SHISA9: variants seen among roughly 807,000 people sequenced by gnomAD.
The protein encoded by SHISA9 is protein shisa-9.
In SHISA9, 13 loss-of-function variants were observed where a neutral mutation model predicts 38.0. The observed-to-expected ratio is 0.34, with a 90% CI of 0.22 to 0.54. The LOEUF (loss-of-function observed/expected upper bound fraction) is 0.54. Among genes scored for constraint, SHISA9 ranks in the 20% least tolerant of loss-of-function variants. The pLI, the probability that SHISA9 is intolerant of heterozygous loss-of-function variation, is 0.91. For synonymous variants in SHISA9, 275 were observed against 242.0 expected (o/e 1.14, Z -1.27); for missense variants, 538 against 575.8 (o/e 0.93, Z 0.67).
chr16:13,199,962 A>G (rs1011028239), intron 2 of SHISA9, among the ~76,000 whole-genome samples: 29 of 152,170 alleles, frequency 1.9e-4, no homozygotes, highest in African/African-American at 6.5e-4. Context: ...GCCTGTGAAC[A>G]TGGGAAGTTG....
the SHISA9 span, among the ~76,000 whole-genome samples, chr16:13,538,258 T>A: frequency 6.6e-6 from 1 of 152,154 alleles, no homozygotes; most frequent in South Asian, 2.1e-4. Flanking sequence ...GGAAACAGGT[T>A]TTCTCTCAAA....
chr16:13,472,761 CAA>C, the SHISA9 span, among the ~76,000 whole-genome samples: 3 of 152,114 alleles, frequency 2.0e-5, no homozygotes, highest in Non-Finnish European at 4.4e-5. Context: ...GCTATGTCTT[CAA>C]GTCTTTTCTT....
At chr16:13,384,004 C>T in the SHISA9 span, among the ~76,000 whole-genome samples, 1 of 152,106 alleles carries the variant, frequency 6.6e-6, no homozygotes, top group African/African-American at 2.4e-5. Context: ...GATTTTTTTA[C>T]AGGGTGCAGG....
At chr16:13,339,773 A>T in the SHISA9 span, among the ~76,000 whole-genome samples, 43 of 152,318 alleles carry the variant, frequency 2.8e-4, no homozygotes, top group South Asian at 8.5e-3. Context: ...ACCTGCTCAA[A>T]CGACTTAACT....
At chr16:13,450,070 T>C in the SHISA9 span, among the ~76,000 whole-genome samples, 3 of 152,008 alleles carry the variant, frequency 2.0e-5, no homozygotes, top group Non-Finnish European at 2.9e-5. Flanking sequence ...TGAGCCAAGA[T>C]CGCACCCCTG....
intron 2 of SHISA9, among the ~76,000 whole-genome samples, chr16:12,930,648 C>T (rs930237420): frequency 2.6e-5 from 4 of 152,024 alleles, no homozygotes; most frequent in East Asian, 1.9e-4. Context: ...ATGACTATGT[C>T]GTGTTGATGT....
chr16:12,987,422 G>C (rs1475518187), intron 2 of SHISA9, among the ~76,000 whole-genome samples: 2 of 152,180 alleles, frequency 1.3e-5, no homozygotes, highest in African/African-American at 4.8e-5. Context: ...CCATAAAAAT[G>C]AATGAGATCA....
chr16:12,980,145 T>G (rs1179027726), intron 2 of SHISA9, among the ~76,000 whole-genome samples: 8 of 152,196 alleles, frequency 5.3e-5, no homozygotes, highest in Admixed American at 5.2e-4. Flanking sequence ...AAATTTGGTC[T>G]TAGCTACTCT....
the SHISA9 span, among the ~76,000 whole-genome samples, chr16:13,296,010 T>G: frequency 1.3e-5 from 2 of 152,136 alleles, no homozygotes; most frequent in African/African-American, 4.8e-5. Context: ...ACGGGAAGGA[T>G]TTTTTCATGC....
intron 2 of SHISA9, among the ~76,000 whole-genome samples, chr16:13,126,576 G>T (rs1233379916): frequency 7.7e-6 from 1 of 130,200 alleles, no homozygotes; most frequent in Non-Finnish European, 1.6e-5. Context: ...GGAGAGAAAG[G>T]GGGAAAGAGA....
At chr16:12,925,030 G>C (rs993230522) in intron 2 of SHISA9, among the ~76,000 whole-genome samples, 1 of 151,958 alleles carries the variant, frequency 6.6e-6, no homozygotes, top group Admixed American at 6.6e-5. Context: ...TTTGTAGAAT[G>C]AGTGACTATT....
At chr16:13,494,884 T>G in the SHISA9 span, among the ~76,000 whole-genome samples, 1 of 152,176 alleles carries the variant, frequency 6.6e-6, no homozygotes, top group East Asian at 1.9e-4. Context: ...AGGTCAATGG[T>G]TATATAAACT....
At chr16:13,412,465 C>G in the SHISA9 span, among the ~76,000 whole-genome samples, 1 of 152,086 alleles carries the variant, frequency 6.6e-6, no homozygotes, top group Non-Finnish European at 1.5e-5. Flanking sequence ...TTCTCCCTTC[C>G]TTCCCTCCCC....
chr16:13,196,880 G>C (rs2050948831), intron 2 of SHISA9, among the ~76,000 whole-genome samples: 1 of 152,188 alleles, frequency 6.6e-6, no homozygotes, highest in Non-Finnish European at 1.5e-5. Flanking sequence ...GGTCACCTGA[G>C]GTCAGGAGTT....
chr16:13,284,903 T>G, the SHISA9 span, among the ~76,000 whole-genome samples: 2 of 152,168 alleles, frequency 1.3e-5, no homozygotes, highest in African/African-American at 2.4e-5. Flanking sequence ...CCAGTCTTTT[T>G]TATTCTCTTT....
At chr16:13,291,934 T>C in the SHISA9 span, among the ~76,000 whole-genome samples, 1 of 152,148 alleles carries the variant, frequency 6.6e-6, no homozygotes, top group Non-Finnish European at 1.5e-5. Context: ...ACAGTGTTTT[T>C]TTACCTTTTG....
chr16:13,304,024 A>AT, the SHISA9 span, among the ~76,000 whole-genome samples: 4 of 152,048 alleles, frequency 2.6e-5, no homozygotes, highest in Admixed American at 1.3e-4. Context: ...TTAAAAAAAA[A>AT]AATAATAAAG....
At chr16:13,006,692 G>A (rs1401017204) in intron 2 of SHISA9, among the ~76,000 whole-genome samples, 6 of 152,200 alleles carry the variant, frequency 3.9e-5, no homozygotes, top group Non-Finnish European at 1.5e-5. Context: ...CAACAAGACT[G>A]TGAATCTGCC....
intron 2 of SHISA9, among the ~76,000 whole-genome samples, chr16:13,034,407 T>C (rs949783222): frequency 2.0e-5 from 3 of 152,140 alleles, no homozygotes; most frequent in African/African-American, 7.2e-5. Flanking sequence ...CTTATGAAAG[T>C]CAGGTCATTG....
Sources: gnomAD v4.1 joint callset for allele counts (sites outside exome capture counted in the v4.1 genomes callset) on GRCh38, gnomAD v4.1.1 for gene constraint, MANE v1.5 for transcripts, NCBI Gene and HGNC (gene_info 2026-07-23, HGNC 2026-07-21) for gene names.